Variants in CASZ1 observed in about 807,000 individuals in gnomAD.
The protein encoded by CASZ1 is zinc finger protein castor homolog 1.
In CASZ1, 28 loss-of-function variants were observed where a neutral mutation model predicts 135.2. The observed-to-expected ratio is 0.21, with a 90% confidence interval of 0.15 to 0.28. CASZ1 has a LOEUF of 0.28. Ranked by LOEUF, CASZ1 falls within the 10% of genes least tolerant of loss-of-function variation. The probability of loss-of-function intolerance (pLI) is 1.00; values close to 1 mark genes in which losing one functional copy is unlikely to be tolerated. For synonymous variants in CASZ1, 1,068 were observed against 1,073.4 expected, an observed-to-expected ratio of 0.99 and a Z score of 0.10; for missense variants, 2,161 against 2,453.3, an observed-to-expected ratio of 0.88 and a Z score of 2.52.
At chr1:10,667,498 C>T (rs985250825) in intron 4 of CASZ1, among the ~76,000 whole-genome samples, 1 of 152,196 alleles carries the variant, frequency 6.6e-6, no homozygotes, top group African/African-American at 2.4e-5. Context: ...GGGCCCCTCT[C>T]GAAGTTCTGA....
At chr1:10,771,916 T>C (rs958035653) in intron 1 of CASZ1, among the ~76,000 whole-genome samples, 5 of 152,132 alleles carry the variant, frequency 3.3e-5, no homozygotes, top group Non-Finnish European at 7.4e-5. Flanking sequence ...CCTTGTCCCG[T>C]CCCAGCCCAG....
Position 10,777,266 on chromosome 1 carries a change from AC to A in CASZ1, c.-233-16410del, listed in dbSNP as rs772690515. On this transcript the variant is annotated intron_variant, in intron 1 of 20. Coordinates refer to ENST00000377022, the MANE Select transcript of CASZ1 (RefSeq NM_001079843.3). The surrounding 1 kb of genome is among the most constrained non-coding windows in gnomAD (Gnocchi z 4.4). Reference sequence around the variant, plus strand: ...CTCAGCTGGGAATCTGTTCCTGAGGACAGGACAAGGACCGCAGGGTTGGGAC... The same window carrying A: ...CTCAGCTGGGAATCTGTTCCTGAGGAAGGACAAGGACCGCAGGGTTGGGAC... Among the ~76,000 whole-genome samples the A allele has an allele frequency of 2.5e-4, 38 of 152,172 alleles. No individual in the cohort carries two copies. The highest frequency in any genetic ancestry group is 3.7e-4 in the Non-Finnish European group (25 of 68,032).
rs920436865 is a variant in CASZ1, at chr1:10,637,206, A to G, written c.*1736T>C. On this transcript the variant is annotated 3_prime_UTR_variant, in exon 21 of 21. Coordinates refer to ENST00000377022, the MANE Select transcript of CASZ1 (RefSeq NM_001079843.3). Reference sequence around the variant, plus strand: ...TTTTCCTTTACAAAACTCCTTCCACAGACGCCCGGGGCCTGTGGCGGGTCA... The same window carrying G: ...TTTTCCTTTACAAAACTCCTTCCACGGACGCCCGGGGCCTGTGGCGGGTCA... 6.6e-6 allele frequency: 1 copy of G among 152,178 alleles called. No homozygotes were observed. The highest frequency in any genetic ancestry group is 1.9e-4 in the East Asian group (1 of 5,184). The allele number at this position is 152,178 out of a possible 1,614,324, so 9.4% of individuals were successfully genotyped here.
At chr1:10,710,461 C>G (rs1557524616) in intron 2 of CASZ1, among the ~76,000 whole-genome samples, 2 of 152,224 alleles carry the variant, frequency 1.3e-5, no homozygotes. Flanking sequence ...CTAGTCTCCC[C>G]AGGAGGAAGG....
intron 4 of CASZ1, among the ~76,000 whole-genome samples, chr1:10,692,458 C>G (rs1287963212): frequency 6.7e-6 from 1 of 149,314 alleles, no homozygotes; most frequent in Non-Finnish European, 1.5e-5. Context: ...GAGACACCGA[C>G]TGGAGGTGGG....
At position 10,741,315 on chromosome 1, in the gene CASZ1, G is replaced by T. The variant is rs1557544313; in HGVS notation, c.-77+19386C>A. Among the ~76,000 whole-genome samples the T allele has an allele frequency of 6.6e-6, 1 of 152,174 alleles. No individual in the cohort carries two copies. The highest frequency in any genetic ancestry group is 6.5e-5 in the Admixed American group (1 of 15,276). On this transcript the variant is annotated intron_variant, in intron 2 of 20. Transcript: ENST00000377022. This position sits in a 1 kb window ranked among gnomAD's most constrained non-coding sequence, Gnocchi z 5.0. ...GGGCTTTAAACGACATGAGGGCAGG[G>T]ACTTGTTCAAAGAGGAAAACAGCAA... is the stretch of plus-strand genomic sequence containing the variant.
chr1:10,737,134 G>A lies in CASZ1; in HGVS notation c.-77+23567C>T, dbSNP rs1345764512. Among the ~76,000 whole-genome samples, 3 of 152,232 alleles carry A rather than the reference G, an allele frequency of 2.0e-5. No homozygotes were observed. The South Asian group carries it at 6.2e-4, about 32-fold the overall frequency. ...AGCTGCTGGGGCCACAGACCAAGGT[G>A]GATAAATATAGCCACTGGGCGATCA... On this transcript the variant is annotated intron_variant, in intron 2 of 20. Transcript: ENST00000377022.
Position 10,647,743 on chromosome 1 carries a change from G to A in CASZ1, c.3497+58C>T. ...ACAGGGCCTCCTAGCGCCCTTGCTA[G>A]CACCTACTCCCGAGACGCGAGGGGA... On this transcript the variant is annotated intron_variant, in intron 16 of 20. Coordinates refer to ENST00000377022, the MANE Select transcript of CASZ1 (RefSeq NM_001079843.3). This position sits in a 1 kb window ranked among gnomAD's most constrained non-coding sequence, Gnocchi z 4.9. The A allele has an allele frequency of 6.2e-7, 1 of 1,606,536 alleles. No individual in the cohort carries two copies. The highest frequency in any genetic ancestry group is 8.5e-7 in the Non-Finnish European group (1 of 1,179,636).
chr1:10,721,073 G>C lies in CASZ1; in HGVS notation c.-76-15529C>G, dbSNP rs1349005397. 2.0e-5 allele frequency among the ~76,000 whole-genome samples: 3 copies of C among 152,188 alleles called. No homozygotes were observed. Among genetic ancestry groups the C allele is most frequent in the African/African-American group, 7.2e-5 (3 of 41,454 alleles). ...TGGTGGGGGTCCCTTTTGTACAGGA[G>C]CCAAGCTGGGCTCCTGGGCCTCAGG... On this transcript the variant is annotated intron_variant, in intron 2 of 20. Transcript: ENST00000377022. This position sits in a 1 kb window ranked among gnomAD's most constrained non-coding sequence, Gnocchi z 5.4.
intron 1 of CASZ1, among the ~76,000 whole-genome samples, chr1:10,780,395 T>C (rs1640741931): frequency 6.6e-6 from 1 of 152,170 alleles, no homozygotes; most frequent in South Asian, 2.1e-4. Flanking sequence ...CCAGTGCAGT[T>C]TCAGGCACCT....
Position 10,692,221 on chromosome 1 carries a change from C to T in CASZ1, c.16+1653G>A, listed in dbSNP as rs1027886303. ...GGTTGGTGGATGGCAGGAGGATGGA[C>T]GCTGGCTCCAGCTGGCACCCAGGTT... On this transcript the variant is annotated intron_variant, in intron 4 of 20. Coordinates refer to ENST00000377022, the MANE Select transcript of CASZ1 (RefSeq NM_001079843.3). Among the ~76,000 whole-genome samples the T allele has an allele frequency of 4.6e-5, 7 of 152,336 alleles. No homozygotes were observed. The South Asian group carries it at 8.3e-4, about 18-fold the overall frequency.
At chr1:10,710,702 C>T (rs1639268591) in intron 2 of CASZ1, among the ~76,000 whole-genome samples, 1 of 152,252 alleles carries the variant, frequency 6.6e-6, no homozygotes, top group Non-Finnish European at 1.5e-5. Context: ...ACACCTGCTC[C>T]AGGCTTTCCC....
intron 2 of CASZ1, among the ~76,000 whole-genome samples, chr1:10,742,966 C>G (rs1385936352): frequency 6.6e-6 from 1 of 151,844 alleles, no homozygotes; most frequent in Non-Finnish European, 1.5e-5. Context: ...ACCTGGGCAA[C>G]AGAGCAAGAC....
intron 4 of CASZ1, among the ~76,000 whole-genome samples, chr1:10,684,889 G>T (rs903762541): frequency 2.0e-5 from 3 of 152,168 alleles, no homozygotes; most frequent in Non-Finnish European, 2.9e-5. Flanking sequence ...TCACTGAGAG[G>T]GACGCTGAGC....
rs945205280 is a variant in CASZ1, at chr1:10,741,701, T to G, written c.-77+19000A>C. On this transcript the variant is annotated intron_variant, in intron 2 of 20. Coordinates refer to ENST00000377022, the MANE Select transcript of CASZ1 (RefSeq NM_001079843.3). This position sits in a 1 kb window ranked among gnomAD's most constrained non-coding sequence, Gnocchi z 5.0. ...ACCAGTTTTATTGGATATAAATATC[T>G]AATTATTCCTACTAGGCCCTGGAAT... is the stretch of plus-strand genomic sequence containing the variant. 3.3e-5 allele frequency among the ~76,000 whole-genome samples: 5 copies of G among 152,150 alleles called. No homozygotes were observed. Among genetic ancestry groups the G allele is most frequent in the Non-Finnish European group, 5.9e-5 (4 of 68,040 alleles).
At chr1:10,740,063 C>A (rs546855709) in intron 2 of CASZ1, among the ~76,000 whole-genome samples, 242 of 152,296 alleles carry the variant, frequency 1.6e-3, no homozygotes, top group Non-Finnish European at 2.5e-3. Context: ...GGAAAGCTGC[C>A]CCCCTGGCCA....
intron 2 of CASZ1, among the ~76,000 whole-genome samples, chr1:10,716,552 C>T (rs965233100): frequency 6.6e-6 from 1 of 152,232 alleles, no homozygotes; most frequent in Non-Finnish European, 1.5e-5. Context: ...GAGCGTAAAG[C>T]CAGACCCAAG....
chr1:10,653,321 G>T lies in CASZ1; in HGVS notation c.2680+56C>A, dbSNP rs1243354951. On this transcript the variant is annotated intron_variant, in intron 11 of 20. Transcript: ENST00000377022. ...ACTCTGCTCTGCAGCCTGAGGCCAG[G>T]TGGCCACCCCAGTCCAGAAGGTGCC... is the stretch of plus-strand genomic sequence containing the variant. The T allele has an allele frequency of 3.2e-6, 5 of 1,575,658 alleles. No individual in the cohort carries two copies. In the African/African-American group the frequency reaches 5.4e-5, roughly 17 times the overall value.
chr1:10,655,787 G>T lies in CASZ1; in HGVS notation c.1527C>A (p.Ile509=). The T allele has an allele frequency of 6.2e-7, 1 of 1,614,128 alleles. No individual in the cohort carries two copies. Among genetic ancestry groups the T allele is most frequent in the Non-Finnish European group, 8.5e-7 (1 of 1,179,960 alleles). ...GCTTCTTGTGCATGTTGTAGTGGCGGATCACGTCCTGCTTACTCGTGAACC... is the reference window on the plus strand; with the variant it reads ...GCTTCTTGTGCATGTTGTAGTGGCGTATCACGTCCTGCTTACTCGTGAACC... The part of the protein sequence containing the change: ...YQRFTSKQDV[I]RHYNMHKKRD... The change falls in exon 9 of 21, where the codon ATC becomes ATA. Residue 509 remains isoleucine (I), a synonymous_variant. Transcript: ENST00000377022.
Sources: allele counts gnomAD v4.1 joint callset (sites outside exome capture counted in the v4.1 genomes callset), GRCh38; gene constraint gnomAD v4.1.1; non-coding constraint Gnocchi (gnomAD v3.1); transcripts MANE v1.5; gene names NCBI Gene and HGNC (gene_info 2026-07-23, HGNC 2026-07-21).